Variants in CCPG1 observed in about 807,000 individuals in gnomAD.
The protein encoded by CCPG1 is cell cycle progression 1.
CCPG1 carries 46 observed loss-of-function variants against 81.3 expected under a neutral mutation model. That is an observed-to-expected ratio of 0.57 (90% CI 0.45 to 0.72). The LOEUF is 0.72. Ranked by LOEUF, CCPG1 falls within the 30% of genes least tolerant of loss-of-function variation. The pLI is 0.00. For missense variants in CCPG1, 902 were observed against 937.6 expected (o/e 0.96, Z 0.50); for synonymous variants, 330 against 305.2 (o/e 1.08, Z -0.85).
chr15:55,360,822 T>C lies in CCPG1; in HGVS notation c.951A>G (p.Glu317=). 1 of 1,612,318 alleles carries C rather than the reference T, an allele frequency of 6.2e-7. No individual in the cohort carries two copies. Among genetic ancestry groups the C allele is most frequent in the Non-Finnish European group, 8.5e-7 (1 of 1,179,422 alleles). The part of the protein sequence containing the change: ...NQYLRVSLEK[E]EKALSSLQEE... ...CCTGTAATGAGGATAAGGCTTTTTC[T>C]TCCTTCTCCAAGGATACTCTTAAAT... Residue 317 remains glutamate (E), a synonymous_variant, in exon 8 of 9, where the codon GAA becomes GAG. Coordinates refer to ENST00000442196, the MANE Select transcript of CCPG1 (RefSeq NM_001204450.2).
intron 2 of CCPG1, among the ~76,000 whole-genome samples, chr15:55,386,458 G>A (rs1348069049): frequency 6.6e-6 from 1 of 152,082 alleles, no homozygotes; most frequent in African/African-American, 2.4e-5. Context: ...TTTTCTTTGT[G>A]TCTTAATTGT....
In CCPG1 at chr15:55,360,155, T is replaced by C; in HGVS notation, c.1618A>G (p.Thr540Ala). 1.2e-6 allele frequency: 2 copies of C among 1,613,394 alleles called. No individual in the cohort carries two copies. The highest frequency in any genetic ancestry group is 1.7e-6 in the Non-Finnish European group (2 of 1,179,808). Residue 540 changes from threonine (T) to alanine (A), a missense_variant, in exon 8 of 9, where the codon ACC (threonine) becomes GCC (alanine). By Grantham distance (58) the Thr-to-Ala change is moderately conservative. Around this residue, in one of 3 missense-constraint regions of CCPG1, gnomAD observed 746 missense variants for 728.6 expected, o/e 1.02. Transcript: ENST00000442196. Reference protein sequence around the residue: ...KSTFRHFKDTTKNIFDEKGNK... With the variant: ...KSTFRHFKDTAKNIFDEKGNK... ...CCCTTTTCATCAAAGATATTCTTGGTGGTATCTTTAAAGTGTCTGAAAGTG... is the reference window on the plus strand; with the variant it reads ...CCCTTTTCATCAAAGATATTCTTGGCGGTATCTTTAAAGTGTCTGAAAGTG...
chr15:55,407,431 T>C (rs1040400275), intron 1 of CCPG1, among the ~76,000 whole-genome samples: 1 of 152,112 alleles, frequency 6.6e-6, no homozygotes, highest in Non-Finnish European at 1.5e-5. Flanking sequence ...ATCCTGTAGA[T>C]TGGAGGAGAC....
Position 55,360,682 on chromosome 15 carries a change from T to C in CCPG1, c.1091A>G (p.Lys364Arg), listed in dbSNP as rs1272472353. ...LKQHLEEEKQ[K>R]KHSFLSQRET... The stretch of plus-strand genomic sequence containing the variant: ...CCTTTGACTAAGAAAGCTGTGTTTT[T>C]TCTGCTTTTCCTCTTCCAAATGCTG... The change falls in exon 8 of 9, where the codon AAA (lysine) becomes AGA (arginine). Residue 364 changes from lysine to arginine, a missense_variant. Lys to Arg is a conservative substitution (Grantham distance 26). Coordinates refer to ENST00000442196, the MANE Select transcript of CCPG1 (RefSeq NM_001204450.2). 13 of 1,613,894 alleles carry C rather than the reference T, an allele frequency of 8.1e-6. No individual in the cohort carries two copies. Among genetic ancestry groups the C allele is most frequent in the Non-Finnish European group, 1.1e-5 (13 of 1,180,002 alleles).
intron 5 of CCPG1, among the ~76,000 whole-genome samples, chr15:55,374,901 G>A (rs1157581691): frequency 6.6e-6 from 1 of 152,184 alleles, no homozygotes; most frequent in African/African-American, 2.4e-5. Context: ...CTTACCTCAG[G>A]TAATCTGCCT....
intron 1 of CCPG1, among the ~76,000 whole-genome samples, chr15:55,395,682 G>A (rs896830058): frequency 6.6e-6 from 1 of 151,884 alleles, no homozygotes; most frequent in African/African-American, 2.4e-5. Flanking sequence ...CCATCCCTAA[G>A]ACTCTTATTA....
At chr15:55,390,044 C>T (rs2056883714) in intron 1 of CCPG1, among the ~76,000 whole-genome samples, 1 of 152,234 alleles carries the variant, frequency 6.6e-6, no homozygotes, top group Non-Finnish European at 1.5e-5. Context: ...CTGCCTCAGC[C>T]TCCCGAGTAG....
intron 1 of CCPG1, among the ~76,000 whole-genome samples, chr15:55,400,118 A>T (rs1412934881): frequency 6.8e-6 from 1 of 147,816 alleles, no homozygotes; most frequent in Non-Finnish European, 1.5e-5. Context: ...GAGGCACAAG[A>T]ATTGCTGCTT....
At chr15:55,359,182 A>C (rs758934807) in intron 8 of CCPG1, 63 of 983,210 alleles carry the variant, frequency 6.4e-5, no homozygotes, top group Non-Finnish European at 7.5e-5. Flanking sequence ...AAAGTGAATA[A>C]ATACATAAAA....
intron 3 of CCPG1, among the ~76,000 whole-genome samples, chr15:55,381,116 A>G (rs528871977): frequency 2.0e-5 from 3 of 151,680 alleles, no homozygotes; most frequent in South Asian, 2.1e-4. Context: ...CAGCCTGGGC[A>G]ACAGAGCAAG....
At chr15:55,389,289 C>G (rs1439967321) in intron 2 of CCPG1, 76 bp downstream of exon 2, 8 of 1,055,818 alleles carry the variant, frequency 7.6e-6, no homozygotes, top group Non-Finnish European at 1.1e-5. Flanking sequence ...AAAGACTGAT[C>G]TTCAAAGAAC....
chr15:55,394,716 T>C (rs1475172473), intron 1 of CCPG1, among the ~76,000 whole-genome samples: 1 of 151,994 alleles, frequency 6.6e-6, no homozygotes, highest in Admixed American at 6.6e-5. Context: ...AAATTGATCC[T>C]CACAGTCTTA....
In CCPG1 at chr15:55,371,748, A is replaced by G. The variant is rs375318929; in HGVS notation, c.706+45T>C. The G allele has an allele frequency of 2.6e-5, 41 of 1,583,538 alleles. No homozygotes were observed. In the African/African-American group the frequency reaches 4.6e-4, roughly 18 times the overall value. On this transcript the variant is annotated intron_variant, in intron 6 of 8. Coordinates refer to ENST00000442196, the MANE Select transcript of CCPG1 (RefSeq NM_001204450.2). ...AGAGTCCTCACTCTTAAGTTCCTCT[A>G]CACTATCCCATCAGGTTATGTATAA...
intron 1 of CCPG1, among the ~76,000 whole-genome samples, chr15:55,407,385 A>C (rs116841286): frequency 0.017 from 2,596 of 152,306 alleles, 33 homozygotes; most frequent in Non-Finnish European, 0.028. Flanking sequence ...CTAATCTTAA[A>C]AGATACGATG....
At chr15:55,390,189 TG>T (rs2056886457) in intron 1 of CCPG1, among the ~76,000 whole-genome samples, 1 of 152,216 alleles carries the variant, frequency 6.6e-6, no homozygotes, top group Non-Finnish European at 1.5e-5. Flanking sequence ...CCCAAAGTGC[TG>T]GGATTACAGG....
intron 2 of CCPG1, 100 bp downstream of exon 2, chr15:55,389,265 G>A (rs1166144302): frequency 4.9e-6 from 4 of 814,820 alleles, no homozygotes; most frequent in African/African-American, 1.7e-5. Flanking sequence ...GGAACTTTTT[G>A]CTTAAAGGTA....
At chr15:55,383,838 A>G (rs574096248) in intron 3 of CCPG1, among the ~76,000 whole-genome samples, 3 of 152,340 alleles carry the variant, frequency 2.0e-5, no homozygotes, top group Non-Finnish European at 4.4e-5. Flanking sequence ...GCTATGGCTT[A>G]AGGGAATTTT....
At position 55,358,319 on chromosome 15, in the gene CCPG1, C is replaced by T. The variant is rs546651550; in HGVS notation, c.2234+1220G>A. On this transcript the variant is annotated intron_variant, in intron 8 of 8. Transcript: ENST00000442196. Reference sequence around the variant, plus strand: ...ATGTTCTATCCCTGGTTTCCAGCATCCACTGGGGGTCTTGGAACATATATC... The same window carrying T: ...ATGTTCTATCCCTGGTTTCCAGCATTCACTGGGGGTCTTGGAACATATATC... 98 of 941,794 alleles carry T rather than the reference C, an allele frequency of 1.0e-4. 1 individual carries two copies. The Middle Eastern group carries it at 3.3e-3, about 31-fold the overall frequency. The allele number at this position is 941,794 out of a possible 1,614,324, so 58.3% of individuals were successfully genotyped here.
rs373917631 is a variant in CCPG1 at position 55,389,068 on chromosome 15, C to CAAAAAAAAAAAAA, written c.60+284_60+296dup. Among the ~76,000 whole-genome samples, 10 of 56,294 alleles carry CAAAAAAAAAAAAA rather than the reference C, an allele frequency of 1.8e-4. 1 individual carries two copies. The highest frequency in any genetic ancestry group is 2.8e-4 in the African/African-American group (4 of 14,132). 36.9% of individuals were successfully genotyped at this position (56,294 alleles called of 152,430 possible). A position where few individuals can be genotyped will look rare whatever the true frequency, so the allele number is the denominator to read the frequency against. ...TGGGCAACAGAGTGAGACTCTGTCT[C>CAAAAAAAAAAAAA]AAAAAAAAAAAAAAAAAAAAAGACA... On this transcript the variant is annotated intron_variant, in intron 2 of 8. Transcript: ENST00000442196.
Sources: allele counts gnomAD v4.1 joint callset (sites outside exome capture counted in the v4.1 genomes callset), GRCh38; gene constraint gnomAD v4.1.1; regional missense constraint gnomAD v4.1.1; transcripts MANE v1.5; gene names NCBI Gene and HGNC (gene_info 2026-07-23, HGNC 2026-07-21).